GPM6B: variants seen among roughly 807,000 people sequenced by gnomAD.
The protein encoded by GPM6B is neuronal membrane glycoprotein M6-b.
A neutral mutation model predicts 27.2 loss-of-function variants in GPM6B; 4 were observed. The ratio of observed to expected loss-of-function variants is 0.15; its 90% CI spans 0.07 to 0.34. The LOEUF is 0.34. GPM6B is among the 10% of genes least tolerant of loss of function. The pLI, the probability that GPM6B is intolerant of heterozygous loss-of-function variation, is 1.00. For synonymous variants in GPM6B, 124 were observed against 103.1 expected (o/e 1.20, Z -1.23); for missense variants, 183 against 261.9 (o/e 0.70, Z 2.08).
At chrX:13,841,550 C>A (rs1287238795) in intron 1 of GPM6B, among the ~76,000 whole-genome samples, 1 of 111,718 alleles carries the variant, frequency 9.0e-6, no homozygotes, top group Non-Finnish European at 1.9e-5. Flanking sequence ...GATTAGTCAC[C>A]AAATATACAT....
At chrX:13,858,867 C>G (rs1323862761) in intron 1 of GPM6B, among the ~76,000 whole-genome samples, 1 of 111,992 alleles carries the variant, frequency 8.9e-6, no homozygotes, top group Non-Finnish European at 1.9e-5. Flanking sequence ...TCTACAATTT[C>G]TCTAATACAG....
intron 1 of GPM6B, among the ~76,000 whole-genome samples, chrX:13,877,871 C>CT (rs763377909): frequency 3.0e-5 from 3 of 99,693 alleles, no homozygotes; most frequent in Middle Eastern, 4.9e-3. Context: ...TTTGCTTCGC[C>CT]TTTTTTTTCC....
intron 1 of GPM6B, among the ~76,000 whole-genome samples, chrX:13,808,005 C>T (rs1319811926): frequency 8.9e-6 from 1 of 112,305 alleles, no homozygotes; most frequent in Non-Finnish European, 1.9e-5. Flanking sequence ...CCAACACACA[C>T]CATATCCTGC....
rs757043350 is a variant in GPM6B, at chrX:13,774,527, A to C, written c.838-1497T>G. ...TTCATGCTACAGAGCATAGCTCTCTAAAACTCCTTATGCAATTTAGAATTT... is the reference window on the plus strand; with the variant it reads ...TTCATGCTACAGAGCATAGCTCTCTCAAACTCCTTATGCAATTTAGAATTT... On this transcript the variant is annotated intron_variant, in intron 7 of 7. Transcript: ENST00000316715. 7.5e-6 allele frequency: 9 copies of C among 1,204,234 alleles called. No individual in the cohort carries two copies. The African/African-American group carries it at 1.0e-4, about 14-fold the overall frequency.
At chrX:13,830,263 C>T (rs1162500648) in intron 1 of GPM6B, among the ~76,000 whole-genome samples, 1 of 111,740 alleles carries the variant, frequency 8.9e-6, no homozygotes, top group Non-Finnish European at 1.9e-5. Context: ...TGTGAACAGT[C>T]CTAAAGGTCA....
At chrX:13,777,792 T>C (rs909495612) in intron 5 of GPM6B, among the ~76,000 whole-genome samples, 8 of 112,188 alleles carry the variant, frequency 7.1e-5, no homozygotes, top group East Asian at 5.6e-4. Context: ...TTTTATCACA[T>C]TGAGGTCAAA....
intron 1 of GPM6B, among the ~76,000 whole-genome samples, chrX:13,897,435 T>C (rs2050243544): frequency 8.9e-6 from 1 of 112,233 alleles, no homozygotes; most frequent in Admixed American, 9.5e-5. Context: ...CTTCTTCAGA[T>C]GAGCTACTTT....
At chrX:13,832,528 T>C (rs1051830461) in intron 1 of GPM6B, among the ~76,000 whole-genome samples, 4 of 111,426 alleles carry the variant, frequency 3.6e-5, no homozygotes, top group Admixed American at 1.9e-4. Context: ...GTCAGCTGCT[T>C]GGGTGGTCCA....
At chrX:13,865,917 T>C (rs2049911638) in intron 1 of GPM6B, among the ~76,000 whole-genome samples, 1 of 111,355 alleles carries the variant, frequency 9.0e-6, no homozygotes, top group African/African-American at 3.3e-5. Flanking sequence ...GAGGACATCA[T>C]ATTAAGTGAA....
chrX:13,775,415 A>G (rs1204628604), intron 7 of GPM6B, among the ~76,000 whole-genome samples: 1 of 112,723 alleles, frequency 8.9e-6, no homozygotes, highest in Non-Finnish European at 1.9e-5. Flanking sequence ...CAGACTGTAA[A>G]TAAGTATACT....
chrX:13,774,483 T>C, intron 7 of GPM6B: 1 of 1,204,765 alleles, frequency 8.3e-7, no homozygotes, highest in Non-Finnish European at 1.1e-6. Context: ...TCTGCTTTAG[T>C]CTGGAGTGTC....
At chrX:13,916,663 ATGTGTGTGTG>A (rs55844856) in intron 1 of GPM6B, among the ~76,000 whole-genome samples, 91 of 90,126 alleles carry the variant, frequency 1.0e-3, no homozygotes, top group Middle Eastern at 5.7e-3. Flanking sequence ...TAGTTTATTA[ATGTGTGTGTG>A]TGTGTGTGTG....
At position 13,814,486 on chromosome X, in the gene GPM6B, G is replaced by A. The variant is rs149353493; in HGVS notation, c.61+2358C>T. Among the ~76,000 whole-genome samples, 337 of 112,291 alleles carry A rather than the reference G, an allele frequency of 3.0e-3. 2 individuals are homozygous for A. The highest frequency in any genetic ancestry group is 0.01 in the African/African-American group (315 of 31,012). On this transcript the variant is annotated intron_variant, in intron 1 of 7. Transcript: ENST00000316715. Reference sequence around the variant, plus strand: ...ATAAAAAACGGATCCACCAGCTCAAGAATTATATAACACATTCTATAAATA... The same window carrying A: ...ATAAAAAACGGATCCACCAGCTCAAAAATTATATAACACATTCTATAAATA...
At chrX:13,841,824 ACT>A (rs990115822) in intron 1 of GPM6B, among the ~76,000 whole-genome samples, 2 of 110,783 alleles carry the variant, frequency 1.8e-5, no homozygotes, top group African/African-American at 3.3e-5. Flanking sequence ...GGATTGCTGG[ACT>A]CTCTGCCATG....
At chrX:13,843,355 T>C (rs150200057) in intron 1 of GPM6B, among the ~76,000 whole-genome samples, 1,387 of 112,466 alleles carry the variant, frequency 0.012, 26 homozygotes, top group African/African-American at 0.042. Flanking sequence ...TGATGGACAT[T>C]TGAGTTGTTT....
chrX:13,915,719 T>C (rs1016023034), intron 1 of GPM6B, among the ~76,000 whole-genome samples: 13 of 113,022 alleles, frequency 1.2e-4, no homozygotes, highest in Non-Finnish European at 2.2e-4. Flanking sequence ...GCATATAATA[T>C]GTATATATGT....
intron 1 of GPM6B, among the ~76,000 whole-genome samples, chrX:13,858,865 T>G (rs1214720370): frequency 2.7e-5 from 3 of 111,997 alleles, no homozygotes; most frequent in Non-Finnish European, 5.6e-5. Flanking sequence ...TCTCTACAAT[T>G]TCTCTAATAC....
At chrX:13,821,229 C>T (rs988729155), upstream of GPM6B, among the ~76,000 whole-genome samples, 3 of 112,204 alleles carry the variant, frequency 2.7e-5, no homozygotes, top group African/African-American at 9.7e-5. Flanking sequence ...AAATAGGAGG[C>T]TCCCAAGGTC....
intron 1 of GPM6B, among the ~76,000 whole-genome samples, chrX:13,860,134 T>G (rs1173324406): frequency 1.8e-5 from 2 of 112,428 alleles, no homozygotes; most frequent in Non-Finnish European, 3.8e-5. Flanking sequence ...AAACTATCAG[T>G]TGGCCAGGCG....
Sources: allele counts gnomAD v4.1 joint callset (sites outside exome capture counted in the v4.1 genomes callset), GRCh38; gene constraint gnomAD v4.1.1; transcripts MANE v1.5; gene names NCBI Gene and HGNC (gene_info 2026-07-23, HGNC 2026-07-21).